ANO6: variants seen among roughly 807,000 people sequenced by gnomAD.
ANO6 encodes anoctamin-6.
In ANO6, 106 loss-of-function variants were observed where a neutral mutation model predicts 117.5. The ratio of observed to expected loss-of-function variants is 0.90; its 90% CI spans 0.77 to 1.06. The LOEUF (loss-of-function observed/expected upper bound fraction) is 1.06. Ranked by LOEUF, ANO6 falls within the 50% of genes least tolerant of loss-of-function variation. The probability of loss-of-function intolerance (pLI) is 0.00; values close to 1 mark genes in which losing one functional copy is unlikely to be tolerated. For synonymous variants in ANO6, 367 were observed against 385.1 expected, an observed-to-expected ratio of 0.95 and a Z score of 0.55; for missense variants, 955 against 1,121.1, an observed-to-expected ratio of 0.85 and a Z score of 2.12.
intron 3 of ANO6, among the ~76,000 whole-genome samples, chr12:45,338,640 T>C (rs1565701486): frequency 6.6e-6 from 1 of 152,142 alleles, no homozygotes; most frequent in Non-Finnish European, 1.5e-5. Context: ...TCTACTTGTT[T>C]ATGCTAAGAT....
chr12:45,356,514 T>C lies in ANO6; in HGVS notation c.864-776T>C, dbSNP rs554521666. On this transcript the variant is annotated intron_variant, in intron 7 of 19. Transcript: ENST00000320560. ...AATCAATTAACAAATATTTTGAATG[T>C]TATATGTATTACATACTATATTCTT... Among the ~76,000 whole-genome samples, 9 of 152,332 alleles carry C rather than the reference T, an allele frequency of 5.9e-5. No homozygotes were observed. The East Asian group carries it at 1.5e-3, about 26-fold the overall frequency.
At chr12:45,317,629 A>G (rs1207956962) in intron 2 of ANO6, among the ~76,000 whole-genome samples, 1 of 152,082 alleles carries the variant, frequency 6.6e-6, no homozygotes, top group Non-Finnish European at 1.5e-5. Flanking sequence ...TCCTTTGGGT[A>G]TATACCCAGT....
intron 12 of ANO6, among the ~76,000 whole-genome samples, chr12:45,399,023 A>C (rs1593067176): frequency 6.6e-6 from 1 of 152,236 alleles, no homozygotes; most frequent in Non-Finnish European, 1.5e-5. Flanking sequence ...GCTCCAGTCA[A>C]AGCTAGATAA....
At chr12:45,338,483 G>T (rs1020090640) in intron 3 of ANO6, among the ~76,000 whole-genome samples, 1 of 152,100 alleles carries the variant, frequency 6.6e-6, no homozygotes, top group African/African-American at 2.4e-5. Flanking sequence ...GGCAGCCAGT[G>T]TTGGGTGGTT....
chr12:45,234,886 C>G (rs1396326057), intron 1 of ANO6, among the ~76,000 whole-genome samples: 5 of 152,234 alleles, frequency 3.3e-5, no homozygotes, highest in Admixed American at 6.5e-5. Flanking sequence ...CCTTTTCCTC[C>G]TCAGTTGTTC....
At position 45,364,708 on chromosome 12, in the gene ANO6, A is replaced by C. The variant is rs568902177; in HGVS notation, c.999-2980A>C. ...TAATTCTTTAGGTGAGATTTCCTTTAGTTCTCCAAATATGTATAACTGCTA... is the reference window on the plus strand; with the variant it reads ...TAATTCTTTAGGTGAGATTTCCTTTCGTTCTCCAAATATGTATAACTGCTA... On this transcript the variant is annotated intron_variant, in intron 8 of 19. Coordinates refer to ENST00000320560, the MANE Select transcript of ANO6 (RefSeq NM_001025356.3). Among the ~76,000 whole-genome samples the C allele has an allele frequency of 7.2e-5, 11 of 152,214 alleles. No homozygotes were observed. The South Asian group carries it at 1.5e-3, about 20-fold the overall frequency.
intron 1 of ANO6, among the ~76,000 whole-genome samples, chr12:45,268,832 G>T (rs1046293768): frequency 1.3e-5 from 2 of 152,182 alleles, no homozygotes; most frequent in Admixed American, 6.5e-5. Context: ...TCATTAACGG[G>T]CATAGACTAT....
At chr12:45,393,680 G>A (rs1466157022) in intron 12 of ANO6, among the ~76,000 whole-genome samples, 1 of 152,146 alleles carries the variant, frequency 6.6e-6, no homozygotes, top group African/African-American at 2.4e-5. Context: ...AAGAGAGTGG[G>A]GGCCAATATT....
In ANO6 at chr12:45,347,045, TA is replaced by T; in HGVS notation, c.305del (p.Asn102ThrfsTer9). On this transcript the variant is annotated frameshift_variant, in exon 4 of 20. Coordinates refer to ENST00000320560, the MANE Select transcript of ANO6 (RefSeq NM_001025356.3). LOFTEE classifies it high-confidence loss of function. ...AGAGGAAAAGACAAGCATACGAATC[TA>T]ACCTTATCTGTCATGGCCTGCAGTT... ...QRRKRQAYES[N>X]LICHGLQLEA... is the part of the protein sequence containing the mutation. The T allele has an allele frequency of 1.2e-5, 20 of 1,614,102 alleles. No homozygotes were observed. Among genetic ancestry groups the T allele is most frequent in the Non-Finnish European group, 1.6e-5 (19 of 1,179,974 alleles).
intron 1 of ANO6, among the ~76,000 whole-genome samples, chr12:45,288,924 T>A (rs1003728070): frequency 6.7e-6 from 1 of 149,446 alleles, no homozygotes; most frequent in East Asian, 2.0e-4. Flanking sequence ...ATTTTTGTAT[T>A]TTTTTTTTAG....
At position 45,416,907 on chromosome 12, in the gene ANO6, G is replaced by T; in HGVS notation, c.2217+3G>T. The stretch of plus-strand genomic sequence containing the variant: ...CAATTCTGGCTGTGGTGACCAATGT[G>T]AGTAGACCTAAGCTTTACAGAGTAA... On this transcript the variant is annotated splice_donor_region_variant and intron_variant, in intron 17 of 19. Coordinates refer to ENST00000320560, the MANE Select transcript of ANO6 (RefSeq NM_001025356.3). 1.2e-6 allele frequency: 2 copies of T among 1,614,038 alleles called. No homozygotes were observed. The highest frequency in any genetic ancestry group is 1.3e-5 in the African/African-American group (1 of 75,040).
intron 9 of ANO6, among the ~76,000 whole-genome samples, chr12:45,371,543 G>T (rs1383713698): frequency 6.6e-6 from 1 of 152,014 alleles, no homozygotes; most frequent in Non-Finnish European, 1.5e-5. Flanking sequence ...CCTCAAGTGG[G>T]TCCCTGACCC....
rs1436672004 is a variant in ANO6, at chr12:45,430,560, C to T, written c.*1249C>T. The T allele has an allele frequency of 8.1e-6, 8 of 985,270 alleles. No individual in the cohort carries two copies. The highest frequency in any genetic ancestry group is 9.6e-6 in the Non-Finnish European group (8 of 829,930). The allele number at this position is 985,270 out of a possible 1,614,324, so 61.0% of individuals were successfully genotyped here. ...ATTGTACTAGAGACAGGAGTATACC[C>T]AGCTTATTCATAATCAAGTAAAGAG... On this transcript the variant is annotated 3_prime_UTR_variant, in exon 20 of 20. Transcript: ENST00000320560.
intron 3 of ANO6, among the ~76,000 whole-genome samples, chr12:45,338,061 A>T (rs2137420928): frequency 6.6e-6 from 1 of 152,224 alleles, no homozygotes; most frequent in African/African-American, 2.4e-5. Context: ...TAATAAAATG[A>T]TTTATTATCA....
Position 45,429,637 on chromosome 12 carries a change from A to G in ANO6, c.*326A>G. ...GAATGGATTCTTTTTTTTCTGTTTG[A>G]TTATTTTCATTTCTGTCTATTCTCA... On this transcript the variant is annotated 3_prime_UTR_variant, in exon 20 of 20. Coordinates refer to ENST00000320560, the MANE Select transcript of ANO6 (RefSeq NM_001025356.3). 1 of 1,159,634 alleles carries G rather than the reference A, an allele frequency of 8.6e-7. No individual in the cohort carries two copies. Among genetic ancestry groups the G allele is most frequent in the Non-Finnish European group, 1.1e-6 (1 of 934,370 alleles). 71.8% of individuals were successfully genotyped at this position (1,159,634 alleles called of 1,614,324 possible).
At chr12:45,320,502 G>C (rs4326862) in intron 2 of ANO6, among the ~76,000 whole-genome samples, 119,108 of 151,896 alleles carry the variant, frequency 0.78, 49,632 homozygotes, top group Non-Finnish European at 0.94. Flanking sequence ...TATAATTTCT[G>C]TTCTTTTACA....
intron 19 of ANO6, among the ~76,000 whole-genome samples, chr12:45,426,972 C>A (rs938843085): frequency 1.3e-5 from 2 of 151,798 alleles, no homozygotes; most frequent in Non-Finnish European, 2.9e-5. Context: ...CTCACATCTG[C>A]TGCCCCACAT....
chr12:45,408,966 G>A (rs1315476327), intron 15 of ANO6, among the ~76,000 whole-genome samples: 1 of 152,098 alleles, frequency 6.6e-6, no homozygotes, highest in African/African-American at 2.4e-5. Flanking sequence ...TTTCTCCACA[G>A]CACTTACCAC....
intron 1 of ANO6, among the ~76,000 whole-genome samples, chr12:45,277,098 A>G (rs1938578131): frequency 6.6e-6 from 1 of 152,126 alleles, no homozygotes; most frequent in Non-Finnish European, 1.5e-5. Context: ...ATGCAGAAGT[A>G]TTTAGCTCTT....
Sources: allele counts gnomAD v4.1 joint callset (sites outside exome capture counted in the v4.1 genomes callset), GRCh38; gene constraint gnomAD v4.1.1; transcripts MANE v1.5; gene names NCBI Gene and HGNC (gene_info 2026-07-23, HGNC 2026-07-21).